TMTC2: variants seen among roughly 807,000 people sequenced by gnomAD.
The protein encoded by TMTC2 is protein O-mannosyl-transferase TMTC2.
In TMTC2, 43 loss-of-function variants were observed where a neutral mutation model predicts 82.4. That is an observed-to-expected ratio of 0.52 (90% CI 0.41 to 0.67). The LOEUF (loss-of-function observed/expected upper bound fraction) is 0.67. Among genes scored for constraint, TMTC2 ranks in the 30% least tolerant of loss-of-function variants. The probability of loss-of-function intolerance (pLI) is 0.00; values close to 1 mark genes in which losing one functional copy is unlikely to be tolerated. For synonymous variants in TMTC2, 408 were observed against 381.9 expected (o/e 1.07, Z -0.80); for missense variants, 919 against 1,012.4 (o/e 0.91, Z 1.25).
At chr12:83,086,185 A>G (rs370551565) in intron 11 of TMTC2, among the ~76,000 whole-genome samples, 65 of 152,174 alleles carry the variant, frequency 4.3e-4, no homozygotes, top group Non-Finnish European at 7.6e-4. Flanking sequence ...GGCCGGGCAG[A>G]GGTGCTCCTC....
At chr12:83,100,788 TA>T (rs969526811) in intron 11 of TMTC2, among the ~76,000 whole-genome samples, 2 of 152,174 alleles carry the variant, frequency 1.3e-5, no homozygotes, top group Non-Finnish European at 2.9e-5. Context: ...TAACAAATAC[TA>T]AAAAAACTGA....
chr12:82,951,092 T>G (rs929355174), intron 4 of TMTC2, among the ~76,000 whole-genome samples: 1 of 152,200 alleles, frequency 6.6e-6, no homozygotes, highest in Non-Finnish European at 1.5e-5. Context: ...ACACCTACTT[T>G]GCAGTTTTGT....
At chr12:82,974,099 T>A (rs1878562991) in intron 7 of TMTC2, among the ~76,000 whole-genome samples, 1 of 152,206 alleles carries the variant, frequency 6.6e-6, no homozygotes, top group South Asian at 2.1e-4. Context: ...CTGGGCACAG[T>A]GGCTCATGCC....
intron 8 of TMTC2, among the ~76,000 whole-genome samples, chr12:82,987,531 T>G (rs1879211331): frequency 6.6e-6 from 1 of 151,516 alleles, no homozygotes; most frequent in African/African-American, 2.4e-5. Flanking sequence ...ATAACAGATA[T>G]GTTTTTAACA....
At chr12:83,129,328 A>G (rs1432397723) in intron 11 of TMTC2, among the ~76,000 whole-genome samples, 1 of 152,166 alleles carries the variant, frequency 6.6e-6, no homozygotes, top group African/African-American at 2.4e-5. Context: ...ATTTTTGTTT[A>G]ATGAGTAACA....
chr12:82,774,850 C>T (rs1016062486), intron 1 of TMTC2, among the ~76,000 whole-genome samples: 5 of 151,840 alleles, frequency 3.3e-5, no homozygotes, highest in Non-Finnish European at 7.4e-5. Context: ...TGCTGCCTGT[C>T]ATTTTTCTGC....
intron 1 of TMTC2, among the ~76,000 whole-genome samples, chr12:82,784,453 A>G (rs1023732772): frequency 1.3e-5 from 2 of 152,122 alleles, no homozygotes; most frequent in African/African-American, 2.4e-5. Context: ...TGTAATTACT[A>G]TGATCGCACG....
intron 8 of TMTC2, among the ~76,000 whole-genome samples, chr12:83,022,482 G>A (rs917739206): frequency 4.0e-5 from 6 of 150,486 alleles, no homozygotes; most frequent in Non-Finnish European, 4.4e-5. Flanking sequence ...ACTAAAATGT[G>A]AGCTGCACCA....
intron 2 of TMTC2, among the ~76,000 whole-genome samples, chr12:82,876,222 T>G (rs1171991525): frequency 6.7e-6 from 1 of 149,002 alleles, no homozygotes; most frequent in Non-Finnish European, 1.5e-5. Context: ...CAGGTGGATA[T>G]GAAGTGATTG....
chr12:82,903,774 A>G (rs887730193), intron 3 of TMTC2, among the ~76,000 whole-genome samples: 5 of 152,236 alleles, frequency 3.3e-5, no homozygotes, highest in African/African-American at 1.2e-4. Context: ...CTGGTAAAGC[A>G]AAGGCATTCA....
chr12:82,854,686 T>C (rs547722055), intron 1 of TMTC2, among the ~76,000 whole-genome samples: 4 of 152,326 alleles, frequency 2.6e-5, no homozygotes, highest in East Asian at 1.9e-4. Flanking sequence ...ATCCCTGATA[T>C]AGTGAACCAT....
intron 1 of TMTC2, among the ~76,000 whole-genome samples, chr12:82,729,540 C>G (rs944370311): frequency 1.3e-5 from 2 of 152,152 alleles, no homozygotes; most frequent in African/African-American, 4.8e-5. Flanking sequence ...TGTGTGGACA[C>G]TGTGTATCTA....
intron 2 of TMTC2, among the ~76,000 whole-genome samples, chr12:82,866,252 A>C (rs1871851434): frequency 6.6e-6 from 1 of 150,830 alleles, no homozygotes; most frequent in African/African-American, 2.5e-5. Flanking sequence ...ATCAAAAAAA[A>C]AAAAAAAAAA....
At chr12:82,965,516 G>A (rs887158173) in intron 5 of TMTC2, 44 bp from the exon 6 acceptor site, 2 of 1,599,478 alleles carry the variant, frequency 1.3e-6, no homozygotes, top group Non-Finnish European at 1.7e-6. Flanking sequence ...TTATTCAAGT[G>A]TATATCATCT....
chr12:82,962,135 T>C (rs1877968820), intron 4 of TMTC2, among the ~76,000 whole-genome samples: 1 of 152,062 alleles, frequency 6.6e-6, no homozygotes, highest in South Asian at 2.1e-4. Flanking sequence ...ATACTATTTA[T>C]CATTTTTTTC....
chr12:82,748,498 C>T (rs769399249), intron 1 of TMTC2, among the ~76,000 whole-genome samples: 6 of 152,102 alleles, frequency 3.9e-5, no homozygotes, highest in East Asian at 1.9e-4. Flanking sequence ...AGTTTCTTCA[C>T]GTGTAACATG....
At position 82,896,096 on chromosome 12, in the gene TMTC2, A is replaced by G. The variant is rs1873662366; in HGVS notation, c.933A>G (p.Leu311=). The change falls in exon 3 of 12, where the codon CTA becomes CTG. Residue 311 remains leucine, a synonymous_variant. Coordinates refer to ENST00000321196, the MANE Select transcript of TMTC2 (RefSeq NM_152588.3). ...LLKTVCDWRN[L]HTVAFYTGLL... is the part of the protein sequence containing the mutation. The stretch of plus-strand genomic sequence containing the variant: ...AAACAGTTTGTGACTGGAGAAACCT[A>G]CACACTGTGGCCTTCTATACTGGAC... 4 of 1,613,998 alleles carry G rather than the reference A, an allele frequency of 2.5e-6. No homozygotes were observed. Among genetic ancestry groups the G allele is most frequent in the South Asian group, 1.1e-5 (1 of 91,076 alleles).
intron 11 of TMTC2, among the ~76,000 whole-genome samples, chr12:83,123,878 A>G (rs941504754): frequency 6.6e-6 from 1 of 152,180 alleles, no homozygotes; most frequent in African/African-American, 2.4e-5. Context: ...ATATTCTTAT[A>G]CCCGTAAGGA....
chr12:83,114,583 T>C (rs571132148), intron 11 of TMTC2, among the ~76,000 whole-genome samples: 1 of 152,340 alleles, frequency 6.6e-6, no homozygotes, highest in Admixed American at 6.5e-5. Context: ...TAAAACTGAG[T>C]ATTTTTAATA....
Sources: gnomAD v4.1 joint callset for allele counts (sites outside exome capture counted in the v4.1 genomes callset) on GRCh38, gnomAD v4.1.1 for gene constraint, MANE v1.5 for transcripts, NCBI Gene and HGNC (gene_info 2026-07-23, HGNC 2026-07-21) for gene names.